Variants in NPAS3 observed in about 807,000 individuals in gnomAD.
The protein encoded by NPAS3 is neuronal PAS domain protein 3.
Under a neutral mutation model 73.1 loss-of-function variants are expected in NPAS3, and 14 were observed. That is an observed-to-expected ratio of 0.19 (90% CI 0.13 to 0.30). The LOEUF is 0.30. NPAS3 is among the 10% of genes least tolerant of loss of function. The pLI is 1.00. For synonymous variants in NPAS3, 620 were observed against 541.5 expected (o/e 1.14, Z -2.01); for missense variants, 1,096 against 1,250.0 (o/e 0.88, Z 1.86).
intron 2 of NPAS3, among the ~76,000 whole-genome samples, chr14:33,213,494 C>T (rs888001062): frequency 6.6e-5 from 10 of 152,160 alleles, no homozygotes; most frequent in South Asian, 2.1e-4. Flanking sequence ...GTTATACTTA[C>T]GCTTTGTCAG....
intron 2 of NPAS3, among the ~76,000 whole-genome samples, chr14:33,197,886 G>C (rs1005237714): frequency 1.3e-5 from 2 of 152,210 alleles, no homozygotes; most frequent in African/African-American, 2.4e-5. Context: ...GCGGACCCTC[G>C]CGGTGAGTGT....
chr14:33,554,598 C>T (rs1288245073), intron 4 of NPAS3, among the ~76,000 whole-genome samples: 1 of 152,176 alleles, frequency 6.6e-6, no homozygotes, highest in African/African-American at 2.4e-5. Flanking sequence ...GGTAATTCTT[C>T]TCTCTAACTG....
At chr14:33,122,120 T>C (rs1344996257) in intron 2 of NPAS3, among the ~76,000 whole-genome samples, 1 of 152,166 alleles carries the variant, frequency 6.6e-6, no homozygotes, top group Admixed American at 6.5e-5. Context: ...TTATTTTCTG[T>C]TGGTGTAGAT....
chr14:33,439,523 C>A (rs151107785), intron 4 of NPAS3, among the ~76,000 whole-genome samples: 2 of 152,132 alleles, frequency 1.3e-5, no homozygotes, highest in Non-Finnish European at 2.9e-5. Context: ...TGTGGCCATA[C>A]CCATGCCTAA....
At chr14:33,574,424 C>A (rs2056351744) in intron 5 of NPAS3, among the ~76,000 whole-genome samples, 1 of 152,072 alleles carries the variant, frequency 6.6e-6, no homozygotes, top group African/African-American at 2.4e-5. Flanking sequence ...GCCATCAGAC[C>A]CATCAGTTGA....
Position 33,155,588 on chromosome 14 carries a change from C to T in NPAS3, c.141-59594C>T, listed in dbSNP as rs144892172. Among the ~76,000 whole-genome samples, 878 of 152,256 alleles carry T rather than the reference C, an allele frequency of 5.8e-3. 5 individuals carry two copies. The highest frequency in any genetic ancestry group is 0.019 in the African/African-American group (810 of 41,556). ...TTCCGAGTAGAGATTATATACAATG[C>T]ACTGTGCTAGTTGCTTAAGAGATAT... is the stretch of plus-strand genomic sequence containing the variant. On this transcript the variant is annotated intron_variant, in intron 2 of 11. Transcript: ENST00000356141.
intron 7 of NPAS3, among the ~76,000 whole-genome samples, chr14:33,757,352 A>T (rs1342360019): frequency 6.6e-6 from 1 of 152,170 alleles, no homozygotes. Context: ...TAAGACAGGG[A>T]TGAAGAGGAT....
intron 3 of NPAS3, among the ~76,000 whole-genome samples, chr14:33,250,275 T>TA (rs1418233628): frequency 6.6e-6 from 1 of 151,992 alleles, no homozygotes; most frequent in Non-Finnish European, 1.5e-5. Flanking sequence ...TGGTAGGGTA[T>TA]AATAAGGAGT....
chr14:33,045,197 T>C (rs1032130999), intron 1 of NPAS3, among the ~76,000 whole-genome samples: 2 of 152,132 alleles, frequency 1.3e-5, no homozygotes, highest in Non-Finnish European at 2.9e-5. Context: ...ACAACTCTAT[T>C]ACTATTGCCA....
intron 3 of NPAS3, among the ~76,000 whole-genome samples, chr14:33,243,495 A>G (rs1423918461): frequency 1.3e-5 from 2 of 152,094 alleles, no homozygotes; most frequent in Non-Finnish European, 1.5e-5. Context: ...GTGGGGTCCA[A>G]TAATTTGCAT....
intron 1 of NPAS3, among the ~76,000 whole-genome samples, chr14:32,984,513 A>C (rs569169984): frequency 1.3e-5 from 2 of 152,328 alleles, no homozygotes; most frequent in East Asian, 3.9e-4. Flanking sequence ...TGAGTAACTA[A>C]ATACTTATGC....
intron 5 of NPAS3, among the ~76,000 whole-genome samples, chr14:33,667,079 A>T (rs1269766867): frequency 6.6e-6 from 1 of 152,370 alleles, no homozygotes; most frequent in South Asian, 2.1e-4. Context: ...TCACATATCT[A>T]AAATATTATT....
At chr14:32,998,411 GT>G (rs528505591) in intron 1 of NPAS3, among the ~76,000 whole-genome samples, 2 of 151,310 alleles carry the variant, frequency 1.3e-5, no homozygotes, top group East Asian at 1.9e-4. Flanking sequence ...TGGGTATGGG[GT>G]TTTTTTTTGG....
In NPAS3 at chr14:33,800,291, A is replaced by G; in HGVS notation, c.1984A>G (p.Ser662Gly). The change falls in exon 12 of 12, where the codon AGC becomes GGC. Residue 662 changes from serine to glycine, a missense_variant. Transcript: ENST00000356141. The surrounding 1 kb of genome is among the most constrained non-coding windows in gnomAD (Gnocchi z 6.5). ...AGAACCCATCAATTTCGACAATGAC[A>G]GCAGCATCTGGAACTACCCGCCCAA... The G allele has an allele frequency of 6.2e-7, 1 of 1,613,444 alleles. No individual in the cohort carries two copies. The highest frequency in any genetic ancestry group is 8.5e-7 in the Non-Finnish European group (1 of 1,179,658).
At chr14:33,777,552 G>C (rs190265710) in intron 8 of NPAS3, among the ~76,000 whole-genome samples, 2 of 142,398 alleles carry the variant, frequency 1.4e-5, no homozygotes, top group South Asian at 4.4e-4. Flanking sequence ...ACCATATGCC[G>C]TAAGTCATAA....
rs558667258 is a variant in NPAS3 at position 33,054,947 on chromosome 14, CAT to C, written c.51-957_51-956del. On this transcript the variant is annotated intron_variant, in intron 1 of 11. Coordinates refer to ENST00000356141, the Ensembl canonical transcript of NPAS3. ...TTTTATAAAGTAGCATGATCCATCA[CAT>C]GTTTTTAATTAATAATTAAGAAGAT... 1.6e-3 allele frequency among the ~76,000 whole-genome samples: 241 copies of C among 152,142 alleles called. 1 individual carries two copies. Among genetic ancestry groups the C allele is most frequent in the African/African-American group, 5.1e-3 (212 of 41,500 alleles).
At chr14:33,051,205 C>T (rs932933052) in intron 1 of NPAS3, among the ~76,000 whole-genome samples, 9 of 146,160 alleles carry the variant, frequency 6.2e-5, no homozygotes, top group South Asian at 4.4e-4. Flanking sequence ...ACCCAGGAAG[C>T]GGAGCTTGCA....
intron 6 of NPAS3, among the ~76,000 whole-genome samples, chr14:33,709,318 T>G (rs2060751315): frequency 6.6e-6 from 1 of 152,144 alleles, no homozygotes; most frequent in African/African-American, 2.4e-5. Context: ...TATTTCAAAT[T>G]TAAAGGAAAA....
At chr14:33,390,648 A>G (rs572813870) in intron 4 of NPAS3, among the ~76,000 whole-genome samples, 1 of 152,294 alleles carries the variant, frequency 6.6e-6, no homozygotes, top group Non-Finnish European at 1.5e-5. Context: ...GATGTTTCCC[A>G]TCTAAATGCA....
Sources: allele counts gnomAD v4.1 joint callset (sites outside exome capture counted in the v4.1 genomes callset), GRCh38; gene constraint gnomAD v4.1.1; non-coding constraint Gnocchi (gnomAD v3.1); transcripts MANE v1.5; gene names NCBI Gene and HGNC (gene_info 2026-07-23, HGNC 2026-07-21).